The following ABLIM2 variants were observed in gnomAD, a reference collection of about 807,000 sequenced individuals.
The protein encoded by ABLIM2 is actin binding LIM protein family member 2, also known as actin-binding LIM protein 2.
ABLIM2 carries 53 observed loss-of-function variants against 97.7 expected under a neutral mutation model. That is an observed-to-expected ratio of 0.54 (90% confidence interval 0.44 to 0.68). The LOEUF is 0.68. Ranked by LOEUF, ABLIM2 falls within the 30% of genes least tolerant of loss-of-function variation. The pLI, the probability that ABLIM2 is intolerant of heterozygous loss-of-function variation, is 0.00. For missense variants in ABLIM2, 835 were observed against 867.2 expected, an observed-to-expected ratio of 0.96 and a Z score of 0.47; for synonymous variants, 361 against 345.8, an observed-to-expected ratio of 1.04 and a Z score of -0.49.
chr4:8,082,421 G>A lies in ABLIM2; in HGVS notation c.455-1619C>T, dbSNP rs1225594670. The stretch of plus-strand genomic sequence containing the variant: ...TGGCCCAAAGCCTTGCGCATCCCGG[G>A]TGAACAGTGAGCATCGGCGAGACCC... On this transcript the variant is annotated intron_variant, in intron 4 of 20. Coordinates refer to ENST00000447017, the MANE Select transcript of ABLIM2 (RefSeq NM_001130083.2). The surrounding 1 kb of genome is among the most constrained non-coding windows in gnomAD (Gnocchi z 5.6). Among the ~76,000 whole-genome samples the A allele has an allele frequency of 6.6e-6, 1 of 152,236 alleles. No homozygotes were observed. The highest frequency in any genetic ancestry group is 1.9e-4 in the East Asian group (1 of 5,198).
intron 2 of ABLIM2, among the ~76,000 whole-genome samples, chr4:8,102,772 A>T (rs1409808625): frequency 1.3e-5 from 2 of 152,240 alleles, no homozygotes; most frequent in African/African-American, 4.8e-5. Flanking sequence ...TTCCCTGCTA[A>T]CAGATCCTGC....
chr4:7,983,219 C>CT, intron 20 of ABLIM2, 45 bp downstream of exon 20: 1 of 1,568,156 alleles, frequency 6.4e-7, no homozygotes, highest in South Asian at 1.2e-5. Flanking sequence ...TGCGGGGACT[C>CT]TCGCATGGGA....
intron 3 of ABLIM2, among the ~76,000 whole-genome samples, chr4:8,091,328 T>TA (rs1460568572): frequency 2.8e-4 from 6 of 21,390 alleles, no homozygotes; most frequent in African/African-American, 9.4e-4. Context: ...ATTATATATA[T>TA]ATTATATATA....
intron 3 of ABLIM2, among the ~76,000 whole-genome samples, chr4:8,090,917 T>C (rs1051582556): frequency 6.6e-6 from 1 of 152,054 alleles, no homozygotes; most frequent in Admixed American, 6.6e-5. Context: ...TTTGGGACTG[T>C]TACAAATAAA....
At chr4:8,014,666 G>A (rs1040431126) in intron 14 of ABLIM2, among the ~76,000 whole-genome samples, 3 of 152,230 alleles carry the variant, frequency 2.0e-5, no homozygotes, top group African/African-American at 4.8e-5. Flanking sequence ...GACAAGCCTA[G>A]CACATAGTGG....
chr4:7,989,494 T>G (rs1184779996), intron 17 of ABLIM2: 1 of 930,518 alleles, frequency 1.1e-6, no homozygotes, highest in Non-Finnish European at 1.3e-6. Flanking sequence ...ATGCTATAAC[T>G]GCTTTATTCC....
At position 8,068,933 on chromosome 4, in the gene ABLIM2, G is replaced by C. The variant is rs187519844; in HGVS notation, c.676-7879C>G. Among the ~76,000 whole-genome samples, 2 of 152,256 alleles carry C rather than the reference G, an allele frequency of 1.3e-5. No individual in the cohort carries two copies. Among genetic ancestry groups the C allele is most frequent in the African/African-American group, 4.8e-5 (2 of 41,466 alleles). On this transcript the variant is annotated intron_variant, in intron 6 of 20. Transcript: ENST00000447017. This position sits in a 1 kb window ranked among gnomAD's most constrained non-coding sequence, Gnocchi z 4.5. ...AAGCTGTGAGCAGGGGATCCCCCTG[G>C]GGGTGTTTGGCGGCCAGGACAGAAT...
chr4:7,970,212 G>A lies in ABLIM2; in HGVS notation c.1825-3109C>T, dbSNP rs552723343. On this transcript the variant is annotated intron_variant, in intron 20 of 20. Coordinates refer to ENST00000447017, the MANE Select transcript of ABLIM2 (RefSeq NM_001130083.2). This position sits in a 1 kb window ranked among gnomAD's most constrained non-coding sequence, Gnocchi z 5.3. ...GGTGAACTGACACGTAAGTAAATAT[G>A]TAAAGGAGGGGAGGCTGACACCGGA... Among the ~76,000 whole-genome samples the A allele has an allele frequency of 2.2e-4, 34 of 152,280 alleles. No homozygotes were observed. Among genetic ancestry groups the A allele is most frequent in the Admixed American group, 1.4e-3 (22 of 15,294 alleles).
In ABLIM2 at chr4:8,072,699, G is replaced by C. The variant is rs1192462747; in HGVS notation, c.675+4929C>G. Among the ~76,000 whole-genome samples, 1 of 152,262 alleles carries C rather than the reference G, an allele frequency of 6.6e-6. No individual in the cohort carries two copies. Among genetic ancestry groups the C allele is most frequent in the African/African-American group, 2.4e-5 (1 of 41,476 alleles). On this transcript the variant is annotated intron_variant, in intron 6 of 20. Transcript: ENST00000447017. The surrounding 1 kb of genome is among the most constrained non-coding windows in gnomAD (Gnocchi z 5.8). ...CAGTGGCTGATGGCCGGGCACGTGGGTGGATCCAGCTGGACGCCCAGGTGA... is the reference window on the plus strand; with the variant it reads ...CAGTGGCTGATGGCCGGGCACGTGGCTGGATCCAGCTGGACGCCCAGGTGA...
At chr4:8,063,355 G>A (rs376902709) in intron 6 of ABLIM2, among the ~76,000 whole-genome samples, 9 of 152,236 alleles carry the variant, frequency 5.9e-5, no homozygotes, top group South Asian at 4.1e-4. Context: ...GTGAGCCACC[G>A]TGTCCAGCCT....
chr4:8,157,828 G>A (rs1715886214), intron 1 of ABLIM2, among the ~76,000 whole-genome samples: 1 of 152,242 alleles, frequency 6.6e-6, no homozygotes, highest in East Asian at 1.9e-4. Flanking sequence ...GGTGCGCCTC[G>A]GGTCACACCC....
chr4:8,096,577 AAAC>A (rs985214498), intron 3 of ABLIM2, among the ~76,000 whole-genome samples: 3 of 152,362 alleles, frequency 2.0e-5, no homozygotes, highest in African/African-American at 4.8e-5. Flanking sequence ...ACTGCTTTGG[AAAC>A]AACATTGAAA....
intron 16 of ABLIM2, among the ~76,000 whole-genome samples, chr4:8,000,072 C>A: frequency 6.6e-6 from 1 of 152,092 alleles, no homozygotes; most frequent in East Asian, 1.9e-4. Flanking sequence ...CCTGGGTGCA[C>A]GGGCAGGAGG....
intron 7 of ABLIM2, among the ~76,000 whole-genome samples, chr4:8,057,933 G>A (rs548493173): frequency 2.0e-5 from 3 of 152,336 alleles, no homozygotes; most frequent in African/African-American, 7.2e-5. Context: ...CCTGTGCCAG[G>A]GAGCAGAGCC....
At chr4:8,048,394 C>T (rs2151845319) in intron 8 of ABLIM2, among the ~76,000 whole-genome samples, 1 of 152,286 alleles carries the variant, frequency 6.6e-6, no homozygotes, top group South Asian at 2.1e-4. Context: ...TTTGCCTGGC[C>T]CCAGGGAGGC....
At chr4:8,108,124 T>C (rs1317963258) in intron 1 of ABLIM2, among the ~76,000 whole-genome samples, 1 of 151,948 alleles carries the variant, frequency 6.6e-6, no homozygotes, top group African/African-American at 2.4e-5. Flanking sequence ...CAGTTTGTGG[T>C]CACTTGTTAC....
chr4:8,098,510 A>C (rs1047505681), intron 2 of ABLIM2, among the ~76,000 whole-genome samples: 1 of 152,176 alleles, frequency 6.6e-6, no homozygotes, highest in African/African-American at 2.4e-5. Flanking sequence ...TCTGGGAACA[A>C]ACTGGCTGGA....
In ABLIM2 at chr4:7,966,827, C is replaced by T. The variant is rs1008671363; in HGVS notation, c.*163G>A. On this transcript the variant is annotated 3_prime_UTR_variant, in exon 21 of 21. Coordinates refer to ENST00000447017, the MANE Select transcript of ABLIM2 (RefSeq NM_001130083.2). The stretch of plus-strand genomic sequence containing the variant: ...GGCCCTAAACTACCGGCAGGAGTGT[C>T]GCCGGCAGGTGCAGGGGCCGCACCT... 1.2e-5 allele frequency: 7 copies of T among 588,760 alleles called. No homozygotes were observed. The highest frequency in any genetic ancestry group is 1.9e-5 in the African/African-American group (1 of 53,660). The allele number at this position is 588,760 out of a possible 1,614,324, so 36.5% of individuals were successfully genotyped here. A position where few individuals can be genotyped will look rare whatever the true frequency, so the allele number is the denominator to read the frequency against.
At position 8,124,811 on chromosome 4, in the gene ABLIM2, G is replaced by T. The variant is rs1847119225; in HGVS notation, c.11-18174C>A. On this transcript the variant is annotated intron_variant, in intron 1 of 20. Coordinates refer to ENST00000447017, the MANE Select transcript of ABLIM2 (RefSeq NM_001130083.2). The surrounding 1 kb of genome is among the most constrained non-coding windows in gnomAD (Gnocchi z 6.1). ...GCTGGGTCCTGTGGTCACTCTGTGT[G>T]CCACCTTTCAAGGAACAGTCAGACT... is the stretch of plus-strand genomic sequence containing the variant. Among the ~76,000 whole-genome samples the T allele has an allele frequency of 1.3e-5, 2 of 152,106 alleles. No individual in the cohort carries two copies. Among genetic ancestry groups the T allele is most frequent in the Non-Finnish European group, 2.9e-5 (2 of 68,036 alleles).
Sources: gnomAD v4.1 joint callset for allele counts (sites outside exome capture counted in the v4.1 genomes callset) on GRCh38, gnomAD v4.1.1 for gene constraint, Gnocchi (gnomAD v3.1) non-coding constraint, MANE v1.5 for transcripts, NCBI Gene and HGNC (gene_info 2026-07-23, HGNC 2026-07-21) for gene names.